Variants in TANGO2 observed in about 807,000 individuals in gnomAD.
The protein encoded by TANGO2 is transport and golgi organization 2 homolog.
In TANGO2, 26 loss-of-function variants were observed where a neutral mutation model predicts 39.1. That is an observed-to-expected ratio of 0.67 (90% confidence interval 0.49 to 0.92). The LOEUF is 0.92. Ranked by LOEUF, TANGO2 falls within the 40% of genes least tolerant of loss-of-function variation. The pLI, the probability that TANGO2 is intolerant of heterozygous loss-of-function variation, is 0.00. For missense variants in TANGO2, 326 were observed against 360.1 expected (o/e 0.91, Z 0.77); for synonymous variants, 131 against 144.5 (o/e 0.91, Z 0.67).
At chr22:20,031,015 T>A (rs2041744466) in intron 1 of TANGO2, among the ~76,000 whole-genome samples, 1 of 151,814 alleles carries the variant, frequency 6.6e-6, no homozygotes. Context: ...CTGGCCAACA[T>A]GGTGAAACCC....
In TANGO2 at chr22:20,030,067, A is replaced by T. The variant is rs564220082; in HGVS notation, c.-39-6693A>T. Among the ~76,000 whole-genome samples, 4 of 151,472 alleles carry T rather than the reference A, an allele frequency of 2.6e-5. No homozygotes were observed. The South Asian group carries it at 8.4e-4, about 32-fold the overall frequency. ...GCCAGCCGCTCCGTATGACCAGAGA[A>T]CCAGTGCCTCACACTCCAGCGCATT... On this transcript the variant is annotated intron_variant, in intron 1 of 8. Transcript: ENST00000327374.
Position 20,066,942 on chromosome 22 carries a change from C to T in TANGO2, c.*2280C>T, listed in dbSNP as rs1440729966. Reference sequence around the variant, plus strand: ...CTGAGGCCCCTAAGGAAGAACAGCCCTCAATGGTGATTCTATTGGTGTTAT... The same window carrying T: ...CTGAGGCCCCTAAGGAAGAACAGCCTTCAATGGTGATTCTATTGGTGTTAT... On this transcript the variant is annotated 3_prime_UTR_variant, in exon 9 of 9. Transcript: ENST00000327374. 1 of 152,282 alleles carries T rather than the reference C, an allele frequency of 6.6e-6. No homozygotes were observed. The highest frequency in any genetic ancestry group is 1.5e-5 in the Non-Finnish European group (1 of 68,108). The allele number at this position is 152,282 out of a possible 1,614,324, so 9.4% of individuals were successfully genotyped here. A position where few individuals can be genotyped will look rare whatever the true frequency, so the allele number is the denominator to read the frequency against.
chr22:20,026,290 T>C (rs2531704), intron 1 of TANGO2, among the ~76,000 whole-genome samples: 102,160 of 152,010 alleles, frequency 0.67, 35,469 homozygotes, highest in African/African-American at 0.84. Flanking sequence ...GACAGTTACT[T>C]GGGAGGCTGA....
intron 2 of TANGO2, 34 bp from the exon 3 acceptor site, chr22:20,043,321 A>C (rs762539824): frequency 6.6e-7 from 1 of 1,518,382 alleles, no homozygotes; most frequent in Admixed American, 1.7e-5. Flanking sequence ...GCTCGTTTCC[A>C]TCTGAAGCCA....
chr22:20,030,151 T>C (rs2041562360), intron 1 of TANGO2, among the ~76,000 whole-genome samples: 1 of 8,034 alleles, frequency 1.2e-4, no homozygotes, highest in South Asian at 9.1e-3. Context: ...AAGCAGTTGC[T>C]TTTTTTTTTT....
At chr22:20,059,960 A>ATT (rs757459768) in intron 6 of TANGO2, among the ~76,000 whole-genome samples, 3 of 143,266 alleles carry the variant, frequency 2.1e-5, no homozygotes, top group Admixed American at 1.4e-4. Context: ...TAAGTTAACT[A>ATT]TTTTTTTTTT....
chr22:20,049,942 C>T (rs2045976399), intron 3 of TANGO2, among the ~76,000 whole-genome samples: 1 of 152,108 alleles, frequency 6.6e-6, no homozygotes, highest in Non-Finnish European at 1.5e-5. Context: ...GGCACGGTGG[C>T]TCACGCCTGT....
At chr22:20,040,259 A>G (rs1424931262) in intron 2 of TANGO2, among the ~76,000 whole-genome samples, 1 of 152,200 alleles carries the variant, frequency 6.6e-6, no homozygotes, top group African/African-American at 2.4e-5. Flanking sequence ...TTAGGCAAAC[A>G]TATATAATTG....
chr22:20,041,736 G>A lies in TANGO2; in HGVS notation c.57-1619G>A, dbSNP rs189027672. On this transcript the variant is annotated intron_variant, in intron 2 of 8. Transcript: ENST00000327374. ...GCTGGGATTACAGGCATGAGCCACC[G>A]TACCCAGCTGTGAGCACCACTTTCA... 6.9e-4 allele frequency among the ~76,000 whole-genome samples: 105 copies of A among 152,278 alleles called. 2 individuals carry two copies. The East Asian group carries it at 0.018, about 26-fold the overall frequency.
intron 4 of TANGO2, among the ~76,000 whole-genome samples, chr22:20,052,937 G>A (rs1424871086): frequency 1.3e-5 from 2 of 152,154 alleles, no homozygotes; most frequent in African/African-American, 2.4e-5. Flanking sequence ...GAGACAGGAA[G>A]AGTGAGGAGG....
intron 1 of TANGO2, among the ~76,000 whole-genome samples, chr22:20,027,512 C>T (rs1468146061): frequency 6.6e-6 from 1 of 152,166 alleles, no homozygotes; most frequent in Non-Finnish European, 1.5e-5. Context: ...GGGACCCTAG[C>T]GTGTTAACCC....
At chr22:20,017,788 C>T (rs548555834), upstream of TANGO2, among the ~76,000 whole-genome samples, 18 of 152,328 alleles carry the variant, frequency 1.2e-4, no homozygotes, top group African/African-American at 4.3e-4. Flanking sequence ...GCCAGCTCTG[C>T]GTAACCTTGT....
intron 3 of TANGO2, 151 bp downstream of exon 3, chr22:20,043,594 C>G: frequency 1.7e-6 from 1 of 592,970 alleles, no homozygotes; most frequent in Non-Finnish European, 3.0e-6. Flanking sequence ...CGGGGCCAGC[C>G]CCAGCACCGG....
upstream of TANGO2, among the ~76,000 whole-genome samples, chr22:20,019,644 G>A (rs146960272): frequency 2.1e-4 from 32 of 152,368 alleles, no homozygotes; most frequent in African/African-American, 6.7e-4. Context: ...CCAGCTTTGA[G>A]GTGCATGGCC....
intron 5 of TANGO2, chr22:20,054,472 T>A (rs549808961): frequency 6.6e-6 from 1 of 152,490 alleles, no homozygotes; most frequent in South Asian, 2.1e-4. Context: ...CAGCAGGACT[T>A]GGCACTCAGC....
chr22:20,031,354 T>C (rs1263996114), intron 1 of TANGO2, among the ~76,000 whole-genome samples: 2 of 152,184 alleles, frequency 1.3e-5, no homozygotes, highest in African/African-American at 4.8e-5. Flanking sequence ...GTGATGTGCT[T>C]CCTCAAATAG....
chr22:20,057,723 T>C lies in TANGO2; in HGVS notation c.451+1710T>C, dbSNP rs1022894581. 1.3e-5 allele frequency among the ~76,000 whole-genome samples: 2 copies of C among 152,192 alleles called. No homozygotes were observed. Among genetic ancestry groups the C allele is most frequent in the African/African-American group, 2.4e-5 (1 of 41,444 alleles). On this transcript the variant is annotated intron_variant, in intron 6 of 8. Coordinates refer to ENST00000327374, the MANE Select transcript of TANGO2 (RefSeq NM_152906.7). The surrounding 1 kb of genome is among the most constrained non-coding windows in gnomAD (Gnocchi z 4.1). ...AGTTGAGGGTCGTGGGGTTGGAATG[T>C]GTGGCGAAGTAGGTCTGTGGCAGTG...
At position 20,052,555 on chromosome 22, in the gene TANGO2, C is replaced by T. The variant is rs770262515; in HGVS notation, c.236C>T (p.Pro79Leu). 1.6e-5 allele frequency: 26 copies of T among 1,593,226 alleles called. No individual in the cohort carries two copies. Among genetic ancestry groups the T allele is most frequent in the Non-Finnish European group, 2.0e-5 (23 of 1,170,264 alleles). ...KLAALTNYLQ[P>L]QLDWQARGRG... ...GCAGCACTCACCAACTACCTGCAGC[C>T]GCAGCTGGACTGGCAGGCCCGAGGG... The change falls in exon 4 of 9, where the codon CCG becomes CTG. Residue 79 changes from proline to leucine, a missense_variant. By Grantham distance (98) the Pro-to-Leu change is moderately conservative. Transcript: ENST00000327374.
At chr22:20,053,127 TC>T (rs2046698335) in intron 4 of TANGO2, among the ~76,000 whole-genome samples, 1 of 152,034 alleles carries the variant, frequency 6.6e-6, no homozygotes, top group African/African-American at 2.4e-5. Context: ...GTAGATGCCT[TC>T]CCCGAGACGA....
Sources: allele counts gnomAD v4.1 joint callset (sites outside exome capture counted in the v4.1 genomes callset), GRCh38; gene constraint gnomAD v4.1.1; non-coding constraint Gnocchi (gnomAD v3.1); transcripts MANE v1.5; gene names NCBI Gene and HGNC (gene_info 2026-07-23, HGNC 2026-07-21).